Variants in PAX7 observed in about 807,000 individuals in gnomAD.
PAX7 encodes the protein paired box protein Pax-7.
Under a neutral mutation model 50.7 loss-of-function variants are expected in PAX7, and 18 were observed. The ratio of observed to expected loss-of-function variants is 0.36; its 90% CI spans 0.25 to 0.53. The LOEUF (loss-of-function observed/expected upper bound fraction) is 0.53, where lower values mean the gene tolerates loss of function less well. Ranked by LOEUF, PAX7 falls within the 20% of genes least tolerant of loss-of-function variation. PAX7 has a pLI of 0.93. For synonymous variants in PAX7, 310 were observed against 290.4 expected (o/e 1.07, Z -0.69); for missense variants, 644 against 702.9 (o/e 0.92, Z 0.95).
At chr1:18,724,611 T>G (rs1316456174) in intron 7 of PAX7, among the ~76,000 whole-genome samples, 1 of 151,770 alleles carries the variant, frequency 6.6e-6, no homozygotes, top group Non-Finnish European at 1.5e-5. Flanking sequence ...GGTGCTGAGC[T>G]GGCCCTGCAG....
intron 1 of PAX7, among the ~76,000 whole-genome samples, chr1:18,633,007 T>C (rs188924025): frequency 1.3e-5 from 2 of 152,328 alleles, no homozygotes; most frequent in African/African-American, 4.8e-5. Flanking sequence ...AAAGAGGCTC[T>C]TGAATATAAA....
At chr1:18,652,212 C>T (rs2088444102) in intron 4 of PAX7, among the ~76,000 whole-genome samples, 1 of 151,968 alleles carries the variant, frequency 6.6e-6, no homozygotes, top group African/African-American at 2.4e-5. Flanking sequence ...CACTGGCTGC[C>T]TCCACCCTTA....
chr1:18,713,785 C>T (rs560167835), intron 7 of PAX7, among the ~76,000 whole-genome samples: 21 of 152,234 alleles, frequency 1.4e-4, no homozygotes, highest in African/African-American at 4.8e-4. Context: ...TGGATTTGCA[C>T]AGGGATAAAG....
At chr1:18,647,651 G>C (rs1347173237) in intron 4 of PAX7, among the ~76,000 whole-genome samples, 1 of 152,150 alleles carries the variant, frequency 6.6e-6, no homozygotes. Context: ...GCTAGGAAGC[G>C]TAAATGCTAT....
At chr1:18,676,423 A>G (rs1400478405) in intron 4 of PAX7, among the ~76,000 whole-genome samples, 2 of 149,246 alleles carry the variant, frequency 1.3e-5, no homozygotes, top group Admixed American at 6.7e-5. Context: ...GCAGCGGGAG[A>G]ATGCACCATG....
chr1:18,713,102 C>A (rs1264862210), intron 7 of PAX7, among the ~76,000 whole-genome samples: 1 of 152,106 alleles, frequency 6.6e-6, no homozygotes, highest in Non-Finnish European at 1.5e-5. Context: ...AGGGGAGGGG[C>A]ACTCTGGGCC....
At chr1:18,732,802 G>C (rs138657597) in intron 7 of PAX7, among the ~76,000 whole-genome samples, 1 of 152,030 alleles carries the variant, frequency 6.6e-6, no homozygotes, top group Non-Finnish European at 1.5e-5. Context: ...AAACATCCTC[G>C]TCCTCTTCCT....
At position 18,658,352 on chromosome 1, in the gene PAX7, A is replaced by AAGG. The variant is rs1320025583; in HGVS notation, c.586+21982_586+21984dup. Among the ~76,000 whole-genome samples the AAGG allele has an allele frequency of 2.0e-5, 3 of 151,838 alleles. 1 individual carries two copies. The highest frequency in any genetic ancestry group is 7.3e-5 in the African/African-American group (3 of 41,266). On this transcript the variant is annotated intron_variant, in intron 4 of 8. Transcript: ENST00000420770. ...GGGTATTTCTGGAAGACAGCAAGAG[A>AAGG]AGGGGGTTCTGAAGCTTCTGTTCCT...
At chr1:18,635,462 A>G (rs2088135993) in intron 3 of PAX7, among the ~76,000 whole-genome samples, 1 of 130,358 alleles carries the variant, frequency 7.7e-6, no homozygotes, top group Non-Finnish European at 1.6e-5. Flanking sequence ...AAAAAAAGTT[A>G]AGAAAGGAGA....
intron 4 of PAX7, among the ~76,000 whole-genome samples, chr1:18,654,547 A>G (rs1485603653): frequency 6.6e-6 from 1 of 152,186 alleles, no homozygotes; most frequent in Admixed American, 6.5e-5. Flanking sequence ...CTTCCCAGCG[A>G]GTGGCAAGGT....
At chr1:18,650,487 G>C (rs2100455491) in intron 4 of PAX7, among the ~76,000 whole-genome samples, 1 of 152,332 alleles carries the variant, frequency 6.6e-6, no homozygotes, top group Admixed American at 6.5e-5. Context: ...TGTGGGGGAT[G>C]GAAGGAGCAG....
rs2088063685 is a variant in PAX7 at position 18,632,031 on chromosome 1, G to A, written c.85+343G>A. Among the ~76,000 whole-genome samples, 1 of 152,132 alleles carries A rather than the reference G, an allele frequency of 6.6e-6. No homozygotes were observed. The highest frequency in any genetic ancestry group is 2.1e-4 in the South Asian group (1 of 4,816). On this transcript the variant is annotated intron_variant, in intron 1 of 8. Coordinates refer to ENST00000420770, the MANE Select transcript of PAX7 (RefSeq NM_001135254.2). The surrounding 1 kb of genome is among the most constrained non-coding windows in gnomAD (Gnocchi z 6.3). Reference sequence around the variant, plus strand: ...ATTTCCAGACACTTCTTCCCTGACAGTTTCTCGGCTCTCCTGGCTCGCTGG... The same window carrying A: ...ATTTCCAGACACTTCTTCCCTGACAATTTCTCGGCTCTCCTGGCTCGCTGG...
intron 7 of PAX7, among the ~76,000 whole-genome samples, chr1:18,710,745 T>C (rs2100344208): frequency 6.6e-6 from 1 of 152,238 alleles, no homozygotes; most frequent in South Asian, 2.1e-4. Flanking sequence ...CCTTCACACA[T>C]ATTTTATTGC....
In PAX7 at chr1:18,636,839, C is replaced by G. The variant is rs565259292; in HGVS notation, c.586+468C>G. Among the ~76,000 whole-genome samples, 1 of 152,194 alleles carries G rather than the reference C, an allele frequency of 6.6e-6. No homozygotes were observed. The highest frequency in any genetic ancestry group is 2.4e-5 in the African/African-American group (1 of 41,464). On this transcript the variant is annotated intron_variant, in intron 4 of 8. Transcript: ENST00000420770. This position sits in a 1 kb window ranked among gnomAD's most constrained non-coding sequence, Gnocchi z 5.1. ...TGAATTTGTTAACCAGACCCCCACA[C>G]GCTCTCTAAACGGTCCCTTGAAACC...
At chr1:18,666,428 G>A (rs939558125) in intron 4 of PAX7, among the ~76,000 whole-genome samples, 3 of 152,182 alleles carry the variant, frequency 2.0e-5, no homozygotes, top group East Asian at 1.9e-4. Context: ...GGAAGGAGGT[G>A]GCATAGTCCC....
chr1:18,737,516 G>C (rs1050376729), intron 8 of PAX7, among the ~76,000 whole-genome samples: 8 of 152,266 alleles, frequency 5.3e-5, no homozygotes, highest in Non-Finnish European at 1.0e-4. Flanking sequence ...TACGTATGTT[G>C]GGACATGTTA....
At chr1:18,740,730 G>T (rs1437973857) in intron 8 of PAX7, among the ~76,000 whole-genome samples, 1 of 152,180 alleles carries the variant, frequency 6.6e-6, no homozygotes, top group Non-Finnish European at 1.5e-5. Flanking sequence ...CAATAGCCAA[G>T]ACGTAGAATC....
chr1:18,745,811 A>T lies in PAX7; in HGVS notation c.*882A>T, dbSNP rs912417855. 2 of 232,216 alleles carry T rather than the reference A, an allele frequency of 8.6e-6. No individual in the cohort carries two copies. The highest frequency in any genetic ancestry group is 1.7e-5 in the Non-Finnish European group (2 of 117,504). 14.4% of individuals were successfully genotyped at this position (232,216 alleles called of 1,614,324 possible). On this transcript the variant is annotated 3_prime_UTR_variant, in exon 9 of 9. Coordinates refer to ENST00000420770, the MANE Select transcript of PAX7 (RefSeq NM_001135254.2). ...CAGTTTCCTTCATTAGCTGAATCAGATGAGATGGGGAGGGGATAAAGTCTT... is the reference window on the plus strand; with the variant it reads ...CAGTTTCCTTCATTAGCTGAATCAGTTGAGATGGGGAGGGGATAAAGTCTT...
chr1:18,745,017 G>T lies in PAX7; in HGVS notation c.*88G>T. On this transcript the variant is annotated 3_prime_UTR_variant, in exon 9 of 9. Transcript: ENST00000420770. ...CCCAGCCTTGCCGCCTCACCCCCCTGTTGTCCTAGGAGGCCAGGAAAGGAG... is the reference window on the plus strand; with the variant it reads ...CCCAGCCTTGCCGCCTCACCCCCCTTTTGTCCTAGGAGGCCAGGAAAGGAG... 3.9e-6 allele frequency: 3 copies of T among 761,490 alleles called. No individual in the cohort carries two copies. The South Asian group carries it at 4.9e-5, about 13-fold the overall frequency. The allele number at this position is 761,490 out of a possible 1,614,324, so 47.2% of individuals were successfully genotyped here. A position where few individuals can be genotyped will look rare whatever the true frequency, so the allele number is the denominator to read the frequency against.
Sources: gnomAD v4.1 joint callset for allele counts (sites outside exome capture counted in the v4.1 genomes callset) on GRCh38, gnomAD v4.1.1 for gene constraint, Gnocchi (gnomAD v3.1) non-coding constraint, MANE v1.5 for transcripts, NCBI Gene and HGNC (gene_info 2026-07-23, HGNC 2026-07-21) for gene names.